Variants in SPIDR observed in about 807,000 individuals in gnomAD.
SPIDR encodes the protein scaffold protein involved in DNA repair.
SPIDR carries 93 observed loss-of-function variants against 104.6 expected under a neutral mutation model. That is an observed-to-expected ratio of 0.89 (90% CI 0.75 to 1.06). The LOEUF is 1.06. Among genes scored for constraint, SPIDR ranks in the 50% least tolerant of loss-of-function variants. The pLI, the probability that SPIDR is intolerant of heterozygous loss-of-function variation, is 0.00. For missense variants in SPIDR, 1,154 were observed against 1,111.2 expected, an observed-to-expected ratio of 1.04 and a Z score of -0.55; for synonymous variants, 431 against 416.9, an observed-to-expected ratio of 1.03 and a Z score of -0.41.
intron 11 of SPIDR, 60 bp from the exon 12 acceptor site, chr8:47,700,343 T>C (rs542427779): frequency 6.4e-7 from 1 of 1,557,350 alleles, no homozygotes; most frequent in Admixed American, 1.7e-5. Context: ...ACCAGCTCAC[T>C]GGCCAAGTAC....
chr8:47,383,658 G>A (rs532937998), intron 5 of SPIDR, among the ~76,000 whole-genome samples: 7 of 152,200 alleles, frequency 4.6e-5, no homozygotes, highest in Non-Finnish European at 7.4e-5. Context: ...GAGCGTTGTC[G>A]CCACTGCTGA....
chr8:47,700,585 C>G (rs1006658748), intron 12 of SPIDR, 95 bp downstream of exon 12: 2 of 1,253,016 alleles, frequency 1.6e-6, no homozygotes, highest in Non-Finnish European at 2.3e-6. Context: ...TGGTCTGTGT[C>G]CCCTGCTCCA....
At chr8:47,491,085 A>C (rs2078630436) in intron 8 of SPIDR, among the ~76,000 whole-genome samples, 1 of 152,250 alleles carries the variant, frequency 6.6e-6, no homozygotes, top group African/African-American at 2.4e-5. Context: ...AGCATGCCTC[A>C]CATTTCGTGG....
intron 8 of SPIDR, among the ~76,000 whole-genome samples, chr8:47,500,428 G>A (rs1442394739): frequency 6.6e-6 from 1 of 152,186 alleles, no homozygotes; most frequent in Admixed American, 6.5e-5. Flanking sequence ...TCTTTTGGCT[G>A]CATAAATGTC....
intron 8 of SPIDR, among the ~76,000 whole-genome samples, chr8:47,522,806 T>A (rs888131193): frequency 6.6e-6 from 1 of 152,140 alleles, no homozygotes; most frequent in African/African-American, 2.4e-5. Flanking sequence ...TAGGTTTTAT[T>A]TTTTCATTAG....
At chr8:47,546,795 G>T in intron 8 of SPIDR, 2 of 219,740 alleles carry the variant, frequency 9.1e-6, no homozygotes, top group South Asian at 1.4e-4. Context: ...GTCACCAAGA[G>T]ACCATGTCAC....
At chr8:47,479,936 C>G (rs2076704110) in intron 8 of SPIDR, among the ~76,000 whole-genome samples, 1 of 152,108 alleles carries the variant, frequency 6.6e-6, no homozygotes, top group Admixed American at 6.6e-5. Flanking sequence ...TAGTTTGTGC[C>G]TCATGATGTT....
chr8:47,643,524 T>C (rs1410754219), intron 10 of SPIDR, among the ~76,000 whole-genome samples: 2 of 151,702 alleles, frequency 1.3e-5, no homozygotes, highest in African/African-American at 4.9e-5. Flanking sequence ...AGTGTTGTTG[T>C]TGTTGTTGTT....
intron 7 of SPIDR, among the ~76,000 whole-genome samples, chr8:47,426,473 C>G (rs2066437572): frequency 6.6e-6 from 1 of 151,810 alleles, no homozygotes; most frequent in Admixed American, 6.6e-5. Flanking sequence ...AGTAGATTAT[C>G]ATCATTGATA....
intron 8 of SPIDR, among the ~76,000 whole-genome samples, chr8:47,526,905 G>GA (rs2085077465): frequency 6.6e-6 from 1 of 152,164 alleles, no homozygotes; most frequent in Admixed American, 6.5e-5. Context: ...AATAAACAGA[G>GA]AATCACAGCT....
At chr8:47,376,638 T>A (rs966275435) in intron 5 of SPIDR, among the ~76,000 whole-genome samples, 2 of 152,188 alleles carry the variant, frequency 1.3e-5, no homozygotes, top group South Asian at 4.1e-4. Flanking sequence ...ACATTTGATG[T>A]TGTACTAAGG....
At chr8:47,592,350 T>C in intron 8 of SPIDR, 2 of 1,205,232 alleles carry the variant, frequency 1.7e-6, no homozygotes, top group South Asian at 2.4e-5. Context: ...CGAAACATAT[T>C]CTTCCCAACT....
At chr8:47,426,403 T>G (rs951544725) in intron 7 of SPIDR, among the ~76,000 whole-genome samples, 2 of 72,684 alleles carry the variant, frequency 2.8e-5, no homozygotes, top group African/African-American at 4.8e-5. Flanking sequence ...ATATTTTGGC[T>G]TATCTTTTTT....
intron 16 of SPIDR, among the ~76,000 whole-genome samples, chr8:47,715,308 C>G (rs570026664): frequency 1.3e-5 from 2 of 152,130 alleles, no homozygotes; most frequent in East Asian, 1.9e-4. Context: ...TCCCAAGTAG[C>G]TGGGATTACA....
chr8:47,576,402 T>C (rs550491284), intron 8 of SPIDR, among the ~76,000 whole-genome samples: 1 of 152,346 alleles, frequency 6.6e-6, no homozygotes, highest in African/African-American at 2.4e-5. Flanking sequence ...CCGTCCGCCT[T>C]GGCCTCCCAA....
intron 8 of SPIDR, among the ~76,000 whole-genome samples, chr8:47,586,815 C>A (rs2060299070): frequency 6.6e-6 from 1 of 152,170 alleles, no homozygotes; most frequent in Admixed American, 6.5e-5. Flanking sequence ...GTCGACCAGG[C>A]TGGAGTGCAG....
intron 3 of SPIDR, among the ~76,000 whole-genome samples, chr8:47,288,657 A>G (rs1341510250): frequency 6.6e-6 from 1 of 152,196 alleles, no homozygotes; most frequent in Non-Finnish European, 1.5e-5. Context: ...GCAAGTACTC[A>G]GTTTATTTTA....
Position 47,440,400 on chromosome 8 carries a change from C to T in SPIDR, c.955C>T (p.Gln319Ter). The T allele has an allele frequency of 6.2e-7, 1 of 1,614,204 alleles. No homozygotes were observed. Among genetic ancestry groups the T allele is most frequent in the Non-Finnish European group, 8.5e-7 (1 of 1,180,038 alleles). Residue 319 changes from glutamine (Q) to a stop codon, truncating the protein, a stop_gained, in exon 8 of 20, where the codon CAG (glutamine) becomes TAG (stop). Coordinates refer to ENST00000297423, the MANE Select transcript of SPIDR (RefSeq NM_001080394.4). LOFTEE classifies it high-confidence loss of function. Reference protein sequence around the residue: ...ECAMQVAMCEQLLGSPATSSS... With the variant: ...ECAMQVAMCE ...TGCCATGCAAGTTGCCATGTGTGAG[C>T]AGTTATTGGGGTCACCAGCCACCAG...
chr8:47,340,595 G>A (rs759408924), intron 5 of SPIDR, among the ~76,000 whole-genome samples: 4 of 152,046 alleles, frequency 2.6e-5, no homozygotes, highest in Admixed American at 6.6e-5. Flanking sequence ...GAGTGAGACC[G>A]TGTGTGAAAA....
Sources: allele counts gnomAD v4.1 joint callset (sites outside exome capture counted in the v4.1 genomes callset), GRCh38; gene constraint gnomAD v4.1.1; transcripts MANE v1.5; gene names NCBI Gene and HGNC (gene_info 2026-07-23, HGNC 2026-07-21).